The following MLLT10 variants were observed in gnomAD, a reference collection of about 807,000 sequenced individuals.
MLLT10 encodes the protein protein AF-10.
Under a neutral mutation model 129.1 loss-of-function variants are expected in MLLT10, and 30 were observed. That is an observed-to-expected ratio of 0.23 (90% confidence interval 0.17 to 0.32). MLLT10 has a LOEUF of 0.32. MLLT10 is among the 10% of genes least tolerant of loss of function. The pLI is 1.00. For missense variants in MLLT10, 1,119 were observed against 1,268.3 expected (o/e 0.88, Z 1.79); for synonymous variants, 490 against 446.4 (o/e 1.10, Z -1.23).
At chr10:21,559,972 G>A (rs2038594902) in intron 3 of MLLT10, among the ~76,000 whole-genome samples, 1 of 151,942 alleles carries the variant, frequency 6.6e-6, no homozygotes, top group African/African-American at 2.4e-5. Context: ...GTGTACATTA[G>A]GAATGAAGTT....
At chr10:21,735,995 G>A (rs886437867) in intron 21 of MLLT10, among the ~76,000 whole-genome samples, 1 of 152,098 alleles carries the variant, frequency 6.6e-6, no homozygotes, top group Non-Finnish European at 1.5e-5. Flanking sequence ...ACCTATGTAC[G>A]CCTCATTCCA....
At chr10:21,625,164 G>C (rs2046309193) in intron 8 of MLLT10, 8 of 1,338,608 alleles carry the variant, frequency 6.0e-6, no homozygotes, top group Non-Finnish European at 8.6e-6. Flanking sequence ...AGGGTGTAGT[G>C]ATAATCTTCA....
At chr10:21,539,877 G>A (rs184383994) in intron 3 of MLLT10, among the ~76,000 whole-genome samples, 156 of 151,372 alleles carry the variant, frequency 1.0e-3, no homozygotes, top group African/African-American at 3.6e-3. Context: ...CCTGGGAGGC[G>A]GAGGTTGCAG....
At chr10:21,670,012 T>C (rs368513568) in intron 9 of MLLT10, among the ~76,000 whole-genome samples, 23 of 152,280 alleles carry the variant, frequency 1.5e-4, no homozygotes, top group Middle Eastern at 3.4e-3. Context: ...GATATGGTCC[T>C]CTAATGGATT....
chr10:21,674,273 G>A (rs1009396509), intron 11 of MLLT10, among the ~76,000 whole-genome samples: 1 of 151,818 alleles, frequency 6.6e-6, no homozygotes, highest in Non-Finnish European at 1.5e-5. Flanking sequence ...TATTTAGGGT[G>A]TGAGAGTTTT....
At chr10:21,545,599 CATTG>C (rs750161827) in intron 3 of MLLT10, among the ~76,000 whole-genome samples, 2 of 152,120 alleles carry the variant, frequency 1.3e-5, no homozygotes, top group African/African-American at 2.4e-5. Flanking sequence ...TGTAGATAGA[CATTG>C]ATTGTTTAGA....
intron 13 of MLLT10, among the ~76,000 whole-genome samples, chr10:21,686,748 C>G (rs1422907756): frequency 6.6e-6 from 1 of 151,928 alleles, no homozygotes; most frequent in Non-Finnish European, 1.5e-5. Flanking sequence ...TTTGGGAGGC[C>G]GAGGTGGCAG....
intron 4 of MLLT10, among the ~76,000 whole-genome samples, chr10:21,592,965 C>T (rs907849571): frequency 1.3e-5 from 2 of 152,150 alleles, no homozygotes; most frequent in African/African-American, 4.8e-5. Flanking sequence ...CTGCCTATTA[C>T]ATTTTTCATG....
chr10:21,539,631 G>C (rs1346800059), intron 3 of MLLT10, among the ~76,000 whole-genome samples: 1 of 151,906 alleles, frequency 6.6e-6, no homozygotes, highest in Non-Finnish European at 1.5e-5. Context: ...AATTAGCTGG[G>C]TGTGGCAAGC....
chr10:21,586,139 A>G (rs2041959758), intron 3 of MLLT10, among the ~76,000 whole-genome samples, 155 bp from the exon 4 acceptor site: 1 of 152,208 alleles, frequency 6.6e-6, no homozygotes, highest in Non-Finnish European at 1.5e-5. Context: ...GTCATCAAGA[A>G]CAACTGTTTG....
At chr10:21,653,816 C>G (rs1430585766) in intron 9 of MLLT10, among the ~76,000 whole-genome samples, 1 of 152,176 alleles carries the variant, frequency 6.6e-6, no homozygotes, top group Non-Finnish European at 1.5e-5. Flanking sequence ...AAAGAGGTCT[C>G]AACTTTGGAT....
intron 14 of MLLT10, among the ~76,000 whole-genome samples, chr10:21,725,260 A>G (rs1297604403): frequency 1.3e-5 from 2 of 152,186 alleles, no homozygotes; most frequent in African/African-American, 4.8e-5. Context: ...ATTTGGTTAG[A>G]TACCTGTTGT....
chr10:21,660,316 C>G (rs1002916547), intron 9 of MLLT10, among the ~76,000 whole-genome samples: 1 of 144,456 alleles, frequency 6.9e-6, no homozygotes, highest in Non-Finnish European at 1.5e-5. Context: ...TCTTCTTTTT[C>G]TACTATTTTG....
chr10:21,716,587 G>A (rs1470589009), intron 14 of MLLT10, among the ~76,000 whole-genome samples: 2 of 151,932 alleles, frequency 1.3e-5, no homozygotes, highest in African/African-American at 4.8e-5. Flanking sequence ...CCAGCTACTC[G>A]GGAGGCTGAG....
intron 3 of MLLT10, among the ~76,000 whole-genome samples, chr10:21,569,414 A>G (rs929793940): frequency 6.7e-6 from 1 of 148,512 alleles, no homozygotes; most frequent in Admixed American, 6.7e-5. Context: ...ATATGCTACC[A>G]TACCCAGCCA....
intron 8 of MLLT10, among the ~76,000 whole-genome samples, chr10:21,628,780 T>C (rs2046723363): frequency 7.5e-6 from 1 of 134,018 alleles, no homozygotes; most frequent in African/African-American, 2.9e-5. Context: ...AGAGTCTCGC[T>C]CTGTCTCCCA....
intron 8 of MLLT10, among the ~76,000 whole-genome samples, chr10:21,632,348 T>C (rs1270650150): frequency 6.6e-6 from 1 of 152,164 alleles, no homozygotes; most frequent in Non-Finnish European, 1.5e-5. Flanking sequence ...TTCATGTAGG[T>C]GTTTAGAATT....
At chr10:21,644,929 C>T (rs1315508529) in intron 8 of MLLT10, among the ~76,000 whole-genome samples, 3 of 152,142 alleles carry the variant, frequency 2.0e-5, no homozygotes, top group East Asian at 1.9e-4. Context: ...CTGCACCGGG[C>T]CCCCTAGGAT....
chr10:21,705,722 A>G (rs2055425101), intron 13 of MLLT10, among the ~76,000 whole-genome samples: 1 of 152,186 alleles, frequency 6.6e-6, no homozygotes, highest in East Asian at 1.9e-4. Flanking sequence ...CCTTAGTCCT[A>G]GCGCTGCTGG....
Sources: gnomAD v4.1 joint callset for allele counts (sites outside exome capture counted in the v4.1 genomes callset) on GRCh38, gnomAD v4.1.1 for gene constraint, MANE v1.5 for transcripts, NCBI Gene and HGNC (gene_info 2026-07-23, HGNC 2026-07-21) for gene names.